Variants in CBLC observed in about 807,000 individuals in gnomAD.
CBLC encodes Cbl proto-oncogene C, also known as E3 ubiquitin-protein ligase CBL-C.
In CBLC, 46 loss-of-function variants were observed where a neutral mutation model predicts 58.6. The ratio of observed to expected loss-of-function variants is 0.79; its 90% CI spans 0.62 to 1.00. The LOEUF (loss-of-function observed/expected upper bound fraction) is 1.00, where lower values mean the gene tolerates loss of function less well. CBLC is among the 50% of genes least tolerant of loss of function. CBLC has a pLI of 0.00. For synonymous variants in CBLC, 271 were observed against 264.2 expected, an observed-to-expected ratio of 1.03 and a Z score of -0.25; for missense variants, 655 against 625.8, an observed-to-expected ratio of 1.05 and a Z score of -0.50.
In CBLC at chr19:44,790,019, T is replaced by C; in HGVS notation, c.933T>C (p.Asp311=). ...CTTCCCCCAGCTACCTCTACCCAGA[T>C]GGAAAGACCCACAACCCAGACCTGA... ...GQKDGFYLYP[D]GKTHNPDLTE... The change falls in exon 6 of 11, where the codon GAT becomes GAC. Residue 311 remains aspartate, a synonymous_variant. Transcript: ENST00000647358. 1 of 1,613,572 alleles carries C rather than the reference T, an allele frequency of 6.2e-7. No homozygotes were observed. Among genetic ancestry groups the C allele is most frequent in the Non-Finnish European group, 8.5e-7 (1 of 1,179,710 alleles).
intron 5 of CBLC, among the ~76,000 whole-genome samples, chr19:44,786,265 A>G (rs1011892568): frequency 6.6e-6 from 1 of 151,824 alleles, no homozygotes; most frequent in African/African-American, 2.4e-5. Context: ...CAGTCACAAC[A>G]TAGTAACCTT....
intron 6 of CBLC, 92 bp downstream of exon 6, chr19:44,790,183 C>T: frequency 2.1e-6 from 2 of 933,138 alleles, no homozygotes; most frequent in Non-Finnish European, 3.5e-6. Flanking sequence ...GGAATGTTGG[C>T]TTGGTGGCTC....
At chr19:44,796,505 C>T (rs1817162119) in intron 9 of CBLC, among the ~76,000 whole-genome samples, 1 of 152,060 alleles carries the variant, frequency 6.6e-6, no homozygotes. Flanking sequence ...CTGCCTCAGC[C>T]TCCTGAGTAG....
chr19:44,793,377 C>A, intron 7 of CBLC, 97 bp from the exon 8 acceptor site: 2 of 1,334,162 alleles, frequency 1.5e-6, no homozygotes, highest in Non-Finnish European at 2.0e-6. Context: ...GTCTGTCTTC[C>A]CCACATCAAT....
intron 3 of CBLC, among the ~76,000 whole-genome samples, 192 bp downstream of exon 3, chr19:44,781,555 A>G (rs1599858413): frequency 3.3e-5 from 1 of 29,978 alleles, no homozygotes; most frequent in Non-Finnish European, 6.8e-5. Flanking sequence ...GGTCTGAGGG[A>G]GGAGGGGCTG....
intron 9 of CBLC, among the ~76,000 whole-genome samples, chr19:44,796,369 T>C (rs189395230): frequency 9.0e-4 from 137 of 152,226 alleles, no homozygotes; most frequent in African/African-American, 3.0e-3. Flanking sequence ...ACTTATTTTT[T>C]TGTTGTTTCT....
intron 9 of CBLC, among the ~76,000 whole-genome samples, chr19:44,796,896 C>A (rs778850614): frequency 1.0e-4 from 15 of 150,526 alleles, no homozygotes; most frequent in Non-Finnish European, 1.5e-4. Context: ...AGAGAGCCAG[C>A]AGGAAGCGGG....
chr19:44,781,707 G>A (rs866902474), intron 3 of CBLC, among the ~76,000 whole-genome samples: 2 of 120,802 alleles, frequency 1.7e-5, no homozygotes, highest in African/African-American at 3.5e-5. Flanking sequence ...TGAGGGAGGA[G>A]GGCCTGGGGC....
intron 3 of CBLC, among the ~76,000 whole-genome samples, chr19:44,781,762 C>T (rs558259900): frequency 7.9e-4 from 93 of 117,940 alleles, no homozygotes; most frequent in African/African-American, 3.0e-3. Flanking sequence ...GCCTGGACTC[C>T]TGGGTCTGAG....
At position 44,782,632 on chromosome 19, in the gene CBLC, G is replaced by A. The variant is rs140245762; in HGVS notation, c.779+141G>A. ...ACCCCAGAGAGTTGATAACTCAGAG[G>A]CAGGACACTGAGTGCCCCTCCCAGC... On this transcript the variant is annotated intron_variant, in intron 4 of 10. Coordinates refer to ENST00000647358, the MANE Select transcript of CBLC (RefSeq NM_012116.4). 444 of 655,074 alleles carry A rather than the reference G, an allele frequency of 6.8e-4. 2 individuals are homozygous for A. In the African/African-American group the frequency reaches 7.6e-3, roughly 11 times the overall value. The allele number at this position is 655,074 out of a possible 1,614,324, so 40.6% of individuals were successfully genotyped here. A position where few individuals can be genotyped will look rare whatever the true frequency, so the allele number is the denominator to read the frequency against.
At chr19:44,795,821 G>A (rs780075343) in intron 9 of CBLC, among the ~76,000 whole-genome samples, 4 of 152,122 alleles carry the variant, frequency 2.6e-5, no homozygotes, top group Non-Finnish European at 4.4e-5. Flanking sequence ...CCAGAGTGCA[G>A]AACAGTGCCT....
chr19:44,782,903 C>T (rs1412472048), intron 4 of CBLC, among the ~76,000 whole-genome samples: 2 of 152,064 alleles, frequency 1.3e-5, no homozygotes, highest in Admixed American at 1.3e-4. Context: ...CTGTTGGGTC[C>T]CCCTAGAGGG....
chr19:44,792,254 A>G, intron 6 of CBLC, 129 bp from the exon 7 acceptor site: 5 of 960,282 alleles, frequency 5.2e-6, no homozygotes, highest in Non-Finnish European at 7.9e-6. Flanking sequence ...TCAGCCTCCA[A>G]AGTGCTGGGA....
intron 5 of CBLC, 116 bp downstream of exon 5, chr19:44,784,517 A>G (rs1207415948): frequency 9.5e-7 from 1 of 1,048,158 alleles, no homozygotes; most frequent in African/African-American, 1.6e-5. Context: ...CACATAGGGG[A>G]CATCTCAAAT....
At chr19:44,795,618 G>A (rs1478465602) in intron 9 of CBLC, among the ~76,000 whole-genome samples, 3 of 151,944 alleles carry the variant, frequency 2.0e-5, no homozygotes, top group African/African-American at 7.3e-5. Flanking sequence ...GGGCAATATA[G>A]CGGAACCCCG....
At chr19:44,782,561 G>C in intron 4 of CBLC, 70 bp downstream of exon 4, 1 of 1,293,766 alleles carries the variant, frequency 7.7e-7, no homozygotes, top group South Asian at 1.2e-5. Flanking sequence ...CTGGTGCGTG[G>C]TGGAGCCCAG....
intron 4 of CBLC, among the ~76,000 whole-genome samples, chr19:44,783,656 G>C (rs1395810096): frequency 6.6e-6 from 1 of 152,138 alleles, no homozygotes; most frequent in Non-Finnish European, 1.5e-5. Context: ...ACTCCAGCCT[G>C]GGCAACAGAG....
At chr19:44,780,059 G>A (rs1363203630) in intron 1 of CBLC, among the ~76,000 whole-genome samples, 5 of 152,076 alleles carry the variant, frequency 3.3e-5, no homozygotes, top group African/African-American at 1.2e-4. Flanking sequence ...CGTACCTGTA[G>A]GTAGAACCAC....
In CBLC at chr19:44,792,396, T is replaced by C; in HGVS notation, c.1019T>C (p.Leu340Pro). The C allele has an allele frequency of 6.2e-7, 1 of 1,613,610 alleles. No individual in the cohort carries two copies. Among genetic ancestry groups the C allele is most frequent in the Non-Finnish European group, 8.5e-7 (1 of 1,179,924 alleles). Reference sequence around the variant, plus strand: ...CTCACCTGCCAGGAGCAGCTGCAGCTCTACTGGGCCATGGACTCCACATTT... The same window carrying C: ...CTCACCTGCCAGGAGCAGCTGCAGCCCTACTGGGCCATGGACTCCACATTT... The part of the protein sequence containing the change: ...RIHVSEEQLQ[L>P]YWAMDSTFEL... The change falls in exon 7 of 11, where the codon CTC becomes CCC. Residue 340 changes from leucine (L) to proline (P), a missense_variant. Around this residue, in one of 3 missense-constraint regions of CBLC, gnomAD observed 371 missense variants for 370.8 expected, o/e 1.00. Transcript: ENST00000647358.
Sources: allele counts gnomAD v4.1 joint callset (sites outside exome capture counted in the v4.1 genomes callset), GRCh38; gene constraint gnomAD v4.1.1; regional missense constraint gnomAD v4.1.1; transcripts MANE v1.5; gene names NCBI Gene and HGNC (gene_info 2026-07-23, HGNC 2026-07-21).